The following ATOX1 variants were observed in gnomAD, a reference collection of about 807,000 sequenced individuals.
ATOX1 encodes the protein copper transport protein ATOX1.
A neutral mutation model predicts 7.3 loss-of-function variants in ATOX1; 4 were observed. That is an observed-to-expected ratio of 0.55 (90% CI 0.27 to 1.25). ATOX1 has a LOEUF of 1.25. Among genes scored for constraint, ATOX1 ranks in the 50% most tolerant of loss-of-function variants. The pLI is 0.12. For missense variants in ATOX1, 68 were observed against 81.6 expected, an observed-to-expected ratio of 0.83 and a Z score of 0.64; for synonymous variants, 25 against 28.7, an observed-to-expected ratio of 0.87 and a Z score of 0.41.
chr5:151,750,607 A>T (rs544479460), intron 2 of ATOX1, among the ~76,000 whole-genome samples: 66 of 148,028 alleles, frequency 4.5e-4, no homozygotes, highest in African/African-American at 1.6e-3. Flanking sequence ...AATTTTAAAA[A>T]TTTTTACCTT....
chr5:151,754,371 G>A (rs956960321), intron 1 of ATOX1, among the ~76,000 whole-genome samples: 1 of 152,152 alleles, frequency 6.6e-6, no homozygotes, highest in Non-Finnish European at 1.5e-5. Context: ...CACTTTGGGA[G>A]GCTGAGGCAG....
intron 2 of ATOX1, among the ~76,000 whole-genome samples, chr5:151,749,340 C>A (rs1761914904): frequency 6.6e-6 from 1 of 151,798 alleles, no homozygotes; most frequent in South Asian, 2.1e-4. Flanking sequence ...ACAAAATTAG[C>A]CGGGCATGGT....
In ATOX1 at chr5:151,758,538, C is replaced by A; in HGVS notation, c.6+8G>T. 1 of 1,460,856 alleles carries A rather than the reference C, an allele frequency of 6.8e-7. No homozygotes were observed. The highest frequency in any genetic ancestry group is 2.5e-5 in the Admixed American group (1 of 39,600). 90.5% of individuals were successfully genotyped at this position (1,460,856 alleles called of 1,614,324 possible). A position where few individuals can be genotyped will look rare whatever the true frequency, so the allele number is the denominator to read the frequency against. On this transcript the variant is annotated splice_region_variant and intron_variant, in intron 1 of 3. Transcript: ENST00000313115. ...AGTCTGCGTGGCGGGGACGGCGCAA[C>A]CACTCACCGGCATGACTGAGGCAGC...
chr5:151,747,901 TA>T (rs1171554069), intron 2 of ATOX1, among the ~76,000 whole-genome samples: 4 of 152,244 alleles, frequency 2.6e-5, no homozygotes, highest in Admixed American at 1.3e-4. Context: ...ATTCTTTTTT[TA>T]AAAGCTACAA....
chr5:151,757,356 T>C (rs1762031221), intron 1 of ATOX1, among the ~76,000 whole-genome samples: 2 of 152,186 alleles, frequency 1.3e-5, no homozygotes, highest in Non-Finnish European at 2.9e-5. Flanking sequence ...GGGCAATTAA[T>C]ACTGTCTTCT....
intron 1 of ATOX1, among the ~76,000 whole-genome samples, chr5:151,753,006 A>G (rs748085789): frequency 2.0e-5 from 3 of 152,188 alleles, no homozygotes; most frequent in Non-Finnish European, 4.4e-5. Flanking sequence ...AGCTATCACA[A>G]TGTCATAAAG....
At chr5:151,751,032 A>G (rs1429089259) in intron 2 of ATOX1, among the ~76,000 whole-genome samples, 1 of 151,860 alleles carries the variant, frequency 6.6e-6, no homozygotes, top group Non-Finnish European at 1.5e-5. Context: ...CGAGGCGGGC[A>G]GATCACCTGA....
Position 151,746,400 on chromosome 5 carries a change from A to C in ATOX1, c.132T>G (p.Ser44=). The C allele has an allele frequency of 6.2e-7, 1 of 1,613,980 alleles. No individual in the cohort carries two copies. The highest frequency in any genetic ancestry group is 1.1e-5 in the South Asian group (1 of 91,090). Residue 44 remains serine (S), a synonymous_variant, in exon 3 of 4, where the codon TCT becomes TCG. Transcript: ENST00000313115. ...CAAGCAGAGTGTCCATGCTGTGCTCAGATTCAATGCAGACCTTCTTGTTGG... is the reference window on the plus strand; with the variant it reads ...CAAGCAGAGTGTCCATGCTGTGCTCCGATTCAATGCAGACCTTCTTGTTGG... The part of the protein sequence containing the change: ...DLPNKKVCIE[S]EHSMDTLLAT...
At chr5:151,746,194 C>T (rs1437377104) in intron 3 of ATOX1, 85 bp downstream of exon 3, 6 of 1,306,664 alleles carry the variant, frequency 4.6e-6, no homozygotes, top group East Asian at 2.5e-5. Flanking sequence ...TCCCGCTCCA[C>T]TCAAGCTCTC....
At chr5:151,752,759 A>G (rs146380009) in intron 1 of ATOX1, among the ~76,000 whole-genome samples, 1 of 152,312 alleles carries the variant, frequency 6.6e-6, no homozygotes, top group East Asian at 1.9e-4. Context: ...ATGATCATCA[A>G]TATGTTACTT....
At chr5:151,748,950 C>CA (rs1395373072) in intron 2 of ATOX1, among the ~76,000 whole-genome samples, 3 of 151,872 alleles carry the variant, frequency 2.0e-5, no homozygotes, top group Non-Finnish European at 4.4e-5. Flanking sequence ...AAAACAAAAA[C>CA]AAAAAAATAG....
At chr5:151,747,058 T>C (rs1411486467) in intron 2 of ATOX1, among the ~76,000 whole-genome samples, 7 of 149,434 alleles carry the variant, frequency 4.7e-5, no homozygotes, top group Non-Finnish European at 1.0e-4. Context: ...ATTGCAAAAG[T>C]AATATAGACA....
In ATOX1 at chr5:151,746,667, A is replaced by G. The variant is rs1761883088; in HGVS notation, c.83-218T>C. On this transcript the variant is annotated intron_variant, in intron 2 of 3. Coordinates refer to ENST00000313115, the MANE Select transcript of ATOX1 (RefSeq NM_004045.4). The stretch of plus-strand genomic sequence containing the variant: ...GTTGTATATTCTGTGTATTTTTTTT[A>G]TAACTCTATTCCTGAACATACAAAA... The G allele has an allele frequency of 6.1e-6, 3 of 493,112 alleles. No individual in the cohort carries two copies. The East Asian group carries it at 1.2e-4, about 20-fold the overall frequency. 30.5% of individuals were successfully genotyped at this position (493,112 alleles called of 1,614,324 possible).
At chr5:151,747,308 C>T (rs1386804987) in intron 2 of ATOX1, among the ~76,000 whole-genome samples, 3 of 152,034 alleles carry the variant, frequency 2.0e-5, no homozygotes, top group Non-Finnish European at 4.4e-5. Flanking sequence ...TATTTAGAGA[C>T]AGGGTCTCAC....
chr5:151,756,227 C>T (rs1762014856), intron 1 of ATOX1, among the ~76,000 whole-genome samples: 1 of 151,952 alleles, frequency 6.6e-6, no homozygotes, highest in African/African-American at 2.4e-5. Flanking sequence ...CAGGCATTAC[C>T]CGCCGCACCT....
intron 1 of ATOX1, chr5:151,753,948 T>C (rs1468522042): frequency 6.6e-6 from 1 of 152,256 alleles, no homozygotes; most frequent in Admixed American, 6.5e-5. Flanking sequence ...CAGTGCAGAC[T>C]GTTTGACCTT....
intron 3 of ATOX1, chr5:151,745,975 G>A (rs930217437): frequency 8.6e-6 from 2 of 232,546 alleles, no homozygotes; most frequent in Non-Finnish European, 1.7e-5. Flanking sequence ...CACTGCTTAG[G>A]GTCACATACT....
intron 2 of ATOX1, among the ~76,000 whole-genome samples, chr5:151,747,015 T>C (rs1761886246): frequency 2.0e-5 from 3 of 152,038 alleles, no homozygotes; most frequent in South Asian, 4.2e-4. Context: ...AGTATAGGCA[T>C]GAGCCACCGT....
intron 2 of ATOX1, among the ~76,000 whole-genome samples, chr5:151,746,868 G>A (rs1761884974): frequency 6.6e-6 from 1 of 151,924 alleles, no homozygotes; most frequent in Non-Finnish European, 1.5e-5. Flanking sequence ...GGAGCAGCTG[G>A]GATTACAGGC....
Sources: allele counts gnomAD v4.1 joint callset (sites outside exome capture counted in the v4.1 genomes callset), GRCh38; gene constraint gnomAD v4.1.1; transcripts MANE v1.5; gene names NCBI Gene and HGNC (gene_info 2026-07-23, HGNC 2026-07-21).